The following RIMS1 variants were observed in gnomAD, a reference collection of about 807,000 sequenced individuals.
RIMS1 encodes regulating synaptic membrane exocytosis protein 1.
A neutral mutation model predicts 214.1 loss-of-function variants in RIMS1; 83 were observed. The ratio of observed to expected loss-of-function variants is 0.39; its 90% CI spans 0.32 to 0.47. RIMS1 has a LOEUF of 0.47. Ranked by LOEUF, RIMS1 falls within the 20% of genes least tolerant of loss-of-function variation. The pLI is 0.99. For missense variants in RIMS1, 2,050 were observed against 2,161.8 expected (o/e 0.95, Z 1.03); for synonymous variants, 793 against 786.8 (o/e 1.01, Z -0.13).
intron 1 of RIMS1, among the ~76,000 whole-genome samples, chr6:71,919,717 G>A (rs902364721): frequency 2.0e-5 from 3 of 152,154 alleles, no homozygotes; most frequent in East Asian, 3.9e-4. Flanking sequence ...GATACGGGGC[G>A]GTGAGAGCCA....
intron 4 of RIMS1, among the ~76,000 whole-genome samples, chr6:72,133,684 G>C (rs985046181): frequency 6.6e-6 from 1 of 152,056 alleles, no homozygotes; most frequent in East Asian, 1.9e-4. Context: ...ATGACACCAA[G>C]TTTTCTGCAA....
chr6:72,376,728 CAGAG>C (rs781534222), intron 29 of RIMS1, among the ~76,000 whole-genome samples: 2 of 146,096 alleles, frequency 1.4e-5, no homozygotes, highest in Non-Finnish European at 3.0e-5. Flanking sequence ...GCCTGGGTGA[CAGAG>C]AGAGACTCTG....
intron 1 of RIMS1, among the ~76,000 whole-genome samples, chr6:71,966,850 T>A (rs1583681442): frequency 6.7e-6 from 1 of 148,692 alleles, no homozygotes. Context: ...GAAAAAAAAA[T>A]GTTTGCTTAC....
rs75160185 is a variant in RIMS1, at chr6:71,997,644, G to A, written c.245+28581G>A. On this transcript the variant is annotated intron_variant, in intron 2 of 33. Transcript: ENST00000521978. ...TATCTCATCACAGCAAGTTAGATGC[G>A]TGTTCTATATAGAATGGTAAAAAGA... is the stretch of plus-strand genomic sequence containing the variant. 8.5e-5 allele frequency among the ~76,000 whole-genome samples: 13 copies of A among 152,226 alleles called. No homozygotes were observed. In the East Asian group the frequency reaches 1.4e-3, roughly 16 times the overall value.
Position 72,329,185 on chromosome 6 carries a change from A to G in RIMS1, c.4131-4415A>G, listed in dbSNP as rs1209834764. On this transcript the variant is annotated intron_variant, in intron 28 of 33. Transcript: ENST00000521978. ...GCCCATGAAATGCCCTGCTTGGACA[A>G]CACAGCTAATTGGCTTAAGTAGGGA... 1.9e-4 allele frequency among the ~76,000 whole-genome samples: 29 copies of G among 151,910 alleles called. 1 individual carries two copies. The highest frequency in any genetic ancestry group is 1.9e-3 in the Admixed American group (29 of 15,206).
chr6:72,240,107 A>T (rs946112345), intron 9 of RIMS1, among the ~76,000 whole-genome samples: 1 of 152,192 alleles, frequency 6.6e-6, no homozygotes, highest in African/African-American at 2.4e-5. Context: ...CTTCATGACC[A>T]AATTTAAAGA....
chr6:71,890,596 A>AAACAAC (rs1554194854), intron 1 of RIMS1, among the ~76,000 whole-genome samples: 2 of 112,950 alleles, frequency 1.8e-5, no homozygotes, highest in African/African-American at 7.0e-5. Flanking sequence ...AAAAAAAAAA[A>AAACAAC]ACTTCATAGA....
intron 2 of RIMS1, among the ~76,000 whole-genome samples, chr6:71,995,847 C>T (rs368320994): frequency 3.3e-5 from 5 of 152,000 alleles, no homozygotes; most frequent in Admixed American, 6.6e-5. Context: ...AGTGCAGTGG[C>T]GTGATCTTGG....
intron 26 of RIMS1, among the ~76,000 whole-genome samples, chr6:72,306,374 A>G (rs1592764961): frequency 6.6e-6 from 1 of 152,150 alleles, no homozygotes; most frequent in East Asian, 1.9e-4. Context: ...CAACATAGGT[A>G]TAAGCTTTTG....
chr6:72,002,621 A>G (rs1805673726), intron 2 of RIMS1, among the ~76,000 whole-genome samples: 1 of 152,140 alleles, frequency 6.6e-6, no homozygotes, highest in Non-Finnish European at 1.5e-5. Flanking sequence ...GATTTCACTG[A>G]GCAAAGGCAA....
chr6:72,163,177 C>T lies in RIMS1; in HGVS notation c.472-16398C>T, dbSNP rs1302984747. Among the ~76,000 whole-genome samples, 8 of 139,966 alleles carry T rather than the reference C, an allele frequency of 5.7e-5. 2 individuals are homozygous for T. The East Asian group carries it at 8.1e-4, about 14-fold the overall frequency. The allele number at this position is 139,966 out of a possible 152,430, so 91.8% of individuals were successfully genotyped here. A position where few individuals can be genotyped will look rare whatever the true frequency, so the allele number is the denominator to read the frequency against. ...TACCCTTTCTTCCAGTTGATCGAAT[C>T]GGCTACTGAGGCTTCTGCATTCATC... On this transcript the variant is annotated intron_variant, in intron 4 of 33. Transcript: ENST00000521978.
intron 1 of RIMS1, among the ~76,000 whole-genome samples, chr6:71,922,621 T>C (rs1780350471): frequency 6.6e-6 from 1 of 152,196 alleles, no homozygotes; most frequent in African/African-American, 2.4e-5. Flanking sequence ...TTCCTTTTTA[T>C]GGCTGAATAA....
chr6:72,135,874 C>A (rs2041197293), intron 4 of RIMS1, among the ~76,000 whole-genome samples: 1 of 152,160 alleles, frequency 6.6e-6, no homozygotes, highest in African/African-American at 2.4e-5. Flanking sequence ...GTGACCCCAT[C>A]TGTTTAGAAG....
chr6:72,284,163 T>G lies in RIMS1; in HGVS notation c.3554+45T>G, dbSNP rs1173168270. ...GTGCTGACATCTTCCATTTTAGGAA[T>G]ATATTTAGGGGTGCTGTCACTCTCA... is the stretch of plus-strand genomic sequence containing the variant. On this transcript the variant is annotated intron_variant, in intron 24 of 33. Coordinates refer to ENST00000521978, the MANE Select transcript of RIMS1 (RefSeq NM_014989.7). 6 of 1,498,464 alleles carry G rather than the reference T, an allele frequency of 4.0e-6. No individual in the cohort carries two copies. In the South Asian group the frequency reaches 6.8e-5, roughly 17 times the overall value. 92.8% of individuals were successfully genotyped at this position (1,498,464 alleles called of 1,614,324 possible).
At position 72,265,974 on chromosome 6, in the gene RIMS1, T is replaced by C. The variant is rs768979355; in HGVS notation, c.3323T>C (p.Phe1108Ser). 1 of 1,574,904 alleles carries C rather than the reference T, an allele frequency of 6.3e-7. No homozygotes were observed. The highest frequency in any genetic ancestry group is 8.6e-7 in the Non-Finnish European group (1 of 1,158,584). The change falls in exon 22 of 34, where the codon TTT becomes TCT. Residue 1108 changes from phenylalanine to serine, a missense_variant. Coordinates refer to ENST00000521978, the MANE Select transcript of RIMS1 (RefSeq NM_014989.7). Reference protein sequence around the residue: ...DEILVSELQPFLDRARSASTN... With the variant: ...DEILVSELQPSLDRARSASTN... ...ACTGGCACTAGTGAACTGCAGCCCT[T>C]TCTTGACAGGGCTAGGAGTGCTAGT...
At chr6:72,099,843 A>G (rs1033956766) in intron 3 of RIMS1, 132 bp from the exon 4 acceptor site, 8 of 686,378 alleles carry the variant, frequency 1.2e-5, no homozygotes, top group Non-Finnish European at 2.0e-5. Context: ...TTTTCAAAAT[A>G]GTTGTGCTTT....
At chr6:72,026,889 TTTTGATCTTCTAATTCAAA>T (rs1018359052) in intron 2 of RIMS1, among the ~76,000 whole-genome samples, 1 of 152,188 alleles carries the variant, frequency 6.6e-6, no homozygotes, top group African/African-American at 2.4e-5. Context: ...CTCCCAAGAC[TTTTGATCTTCTAATTCAAA>T]TAAAAAGTGT....
intron 6 of RIMS1, among the ~76,000 whole-genome samples, chr6:72,183,414 A>G (rs1235505169): frequency 6.6e-6 from 1 of 152,176 alleles, no homozygotes; most frequent in African/African-American, 2.4e-5. Context: ...TAAATTTGGT[A>G]TGCAGTCTAA....
In RIMS1 at chr6:72,022,210, A is replaced by G. The variant is rs552960703; in HGVS notation, c.245+53147A>G. Among the ~76,000 whole-genome samples the G allele has an allele frequency of 2.0e-5, 3 of 152,340 alleles. No individual in the cohort carries two copies. The East Asian group carries it at 5.8e-4, about 29-fold the overall frequency. ...TCCAAAAAATATTTACAGAAAATTT[A>G]TAGTTTAATTGAAAACTCACTGTAA... On this transcript the variant is annotated intron_variant, in intron 2 of 33. Transcript: ENST00000521978.
Sources: gnomAD v4.1 joint callset for allele counts (sites outside exome capture counted in the v4.1 genomes callset) on GRCh38, gnomAD v4.1.1 for gene constraint, MANE v1.5 for transcripts, NCBI Gene and HGNC (gene_info 2026-07-23, HGNC 2026-07-21) for gene names.